Variants in DYSF observed in about 807,000 individuals in gnomAD.
DYSF encodes dystrophy-associated fer-1-like 1.
DYSF carries 212 observed loss-of-function variants against 274.9 expected under a neutral mutation model. The ratio of observed to expected loss-of-function variants is 0.77; its 90% confidence interval spans 0.69 to 0.86. The LOEUF (loss-of-function observed/expected upper bound fraction) is 0.86, where lower values mean the gene tolerates loss of function less well. Ranked by LOEUF, DYSF falls within the 40% of genes least tolerant of loss-of-function variation. DYSF has a pLI of 0.00. For missense variants in DYSF, 2,666 were observed against 2,783.2 expected, an observed-to-expected ratio of 0.96 and a Z score of 0.95; for synonymous variants, 1,091 against 1,078.7, an observed-to-expected ratio of 1.01 and a Z score of -0.22.
intron 17 of DYSF, among the ~76,000 whole-genome samples, chr2:71,547,850 G>A (rs983515730): frequency 6.6e-6 from 1 of 152,184 alleles, no homozygotes; most frequent in South Asian, 2.1e-4. Flanking sequence ...GTGGGAAGCC[G>A]ACTTTGCCTC....
chr2:71,630,859 G>T (rs1327317239), intron 41 of DYSF, among the ~76,000 whole-genome samples: 1 of 152,156 alleles, frequency 6.6e-6, no homozygotes, highest in African/African-American at 2.4e-5. Context: ...TGTTCTTCAG[G>T]CCTGATTAGT....
At chr2:71,671,716 A>T (rs1273231999) in intron 51 of DYSF, among the ~76,000 whole-genome samples, 1 of 152,190 alleles carries the variant, frequency 6.6e-6, no homozygotes, top group Non-Finnish European at 1.5e-5. Context: ...CAGCACAGAG[A>T]GGGTTACCCG....
rs2087022520 is a variant in DYSF at position 71,519,665 on chromosome 2, A to G, written c.1003-513A>G. Among the ~76,000 whole-genome samples, 7 of 151,212 alleles carry G rather than the reference A, an allele frequency of 4.6e-5. No individual in the cohort carries two copies. In the South Asian group the frequency reaches 1.5e-3, roughly 32 times the overall value. On this transcript the variant is annotated intron_variant, in intron 10 of 55. Transcript: ENST00000410020. Reference sequence around the variant, plus strand: ...TTTCCTTTCCTCTTTTTTTTTTGAGACGGATTTTTGCTCTTGTTGCCAAGG... The same window carrying G: ...TTTCCTTTCCTCTTTTTTTTTTGAGGCGGATTTTTGCTCTTGTTGCCAAGG...
chr2:71,639,862 T>C (rs892643372), intron 41 of DYSF, among the ~76,000 whole-genome samples: 1 of 152,152 alleles, frequency 6.6e-6, no homozygotes, highest in Admixed American at 6.5e-5. Context: ...GGAGATTAGC[T>C]CTTGGCCAAG....
chr2:71,646,132 C>A (rs1034256793), intron 42 of DYSF, among the ~76,000 whole-genome samples: 1 of 152,246 alleles, frequency 6.6e-6, no homozygotes, highest in Non-Finnish European at 1.5e-5. Context: ...AGCTGCGATC[C>A]TCAGGCAGCA....
At chr2:71,671,972 T>G (rs1431331612) in intron 51 of DYSF, among the ~76,000 whole-genome samples, 9 of 150,008 alleles carry the variant, frequency 6.0e-5, no homozygotes, top group South Asian at 2.1e-4. Context: ...GGAGCAGGGG[T>G]GGCGAGGAGG....
chr2:71,645,264 G>C (rs1014360375), intron 42 of DYSF, among the ~76,000 whole-genome samples: 4 of 152,204 alleles, frequency 2.6e-5, no homozygotes, highest in Non-Finnish European at 5.9e-5. Context: ...GTTTTACTGG[G>C]TGGAAGTAGC....
chr2:71,515,784 T>C (rs2086591333), intron 8 of DYSF, 33 bp downstream of exon 8: 1 of 1,613,292 alleles, frequency 6.2e-7, no homozygotes, highest in Non-Finnish European at 8.5e-7. Context: ...GCCAGAACCT[T>C]GGTGGGCCTT....
At chr2:71,490,031 A>G (rs2083693405) in intron 3 of DYSF, among the ~76,000 whole-genome samples, 1 of 152,224 alleles carries the variant, frequency 6.6e-6, no homozygotes, top group Non-Finnish European at 1.5e-5. Context: ...TGTTGGGAGC[A>G]GGATCCATAT....
At chr2:71,676,245 T>C (rs1269341691) in intron 52 of DYSF, among the ~76,000 whole-genome samples, 2 of 152,140 alleles carry the variant, frequency 1.3e-5, no homozygotes, top group Non-Finnish European at 1.5e-5. Context: ...TCTAGAAAGG[T>C]TTTACTTGTT....
chr2:71,477,041 T>A (rs879380306), intron 1 of DYSF, among the ~76,000 whole-genome samples: 3 of 152,142 alleles, frequency 2.0e-5, no homozygotes, highest in Non-Finnish European at 4.4e-5. Flanking sequence ...GAGAAGTAAC[T>A]TCCAGCTTCC....
At chr2:71,665,432 A>G in intron 47 of DYSF, 128 bp downstream of exon 47, 1 of 1,188,010 alleles carries the variant, frequency 8.4e-7, no homozygotes, top group Non-Finnish European at 1.2e-6. Flanking sequence ...GGGTCTCTCC[A>G]GGGCAGCACA....
rs2095359270 is a variant in DYSF, at chr2:71,686,635, G to A, written c.*143G>A. 7.5e-6 allele frequency: 7 copies of A among 937,292 alleles called. No individual in the cohort carries two copies. Among genetic ancestry groups the A allele is most frequent in the South Asian group, 2.6e-5 (2 of 76,070 alleles). The allele number at this position is 937,292 out of a possible 1,614,324, so 58.1% of individuals were successfully genotyped here. A position where few individuals can be genotyped will look rare whatever the true frequency, so the allele number is the denominator to read the frequency against. On this transcript the variant is annotated 3_prime_UTR_variant, in exon 56 of 56. Coordinates refer to ENST00000410020, the MANE Select transcript of DYSF (RefSeq NM_001130987.2). ...GGTGGGCAGACAGACAGATGGACCGGCCCACACTCCCAGAGTTGCTAACAT... is the reference window on the plus strand; with the variant it reads ...GGTGGGCAGACAGACAGATGGACCGACCCACACTCCCAGAGTTGCTAACAT...
chr2:71,524,183 G>T (rs941341546), intron 12 of DYSF, among the ~76,000 whole-genome samples: 1 of 152,154 alleles, frequency 6.6e-6, no homozygotes, highest in Non-Finnish European at 1.5e-5. Context: ...CCTGAAGCTT[G>T]CCTCGTCTTC....
intron 45 of DYSF, among the ~76,000 whole-genome samples, chr2:71,663,033 G>GTA: frequency 6.6e-6 from 1 of 152,280 alleles, no homozygotes; most frequent in Admixed American, 6.5e-5. Flanking sequence ...ACGTGTGTGT[G>GTA]TGTGTGTGCG....
chr2:71,586,876 G>T (rs886361786), intron 30 of DYSF, among the ~76,000 whole-genome samples: 37 of 152,094 alleles, frequency 2.4e-4, no homozygotes, highest in Non-Finnish European at 3.5e-4. Context: ...CATGTGTGTG[G>T]CCGGACTGAG....
chr2:71,601,420 A>G (rs879552776), intron 34 of DYSF, 79 bp from the exon 35 acceptor site: 2 of 1,568,718 alleles, frequency 1.3e-6, no homozygotes, highest in Non-Finnish European at 8.8e-7. Flanking sequence ...GATCACTGAC[A>G]TAGTCCATGA....
At chr2:71,536,446 G>A (rs2089347771) in intron 16 of DYSF, among the ~76,000 whole-genome samples, 1 of 152,274 alleles carries the variant, frequency 6.6e-6, no homozygotes, top group Non-Finnish European at 1.5e-5. Context: ...GTACTGTGGG[G>A]AAGCGGTTTG....
chr2:71,645,839 C>T (rs1268967979), intron 42 of DYSF, among the ~76,000 whole-genome samples: 6 of 152,128 alleles, frequency 3.9e-5, no homozygotes, highest in Non-Finnish European at 8.8e-5. Context: ...CCCGCAATTA[C>T]CTCCCAGGCT....
Sources: allele counts gnomAD v4.1 joint callset (sites outside exome capture counted in the v4.1 genomes callset), GRCh38; gene constraint gnomAD v4.1.1; transcripts MANE v1.5; gene names NCBI Gene and HGNC (gene_info 2026-07-23, HGNC 2026-07-21).